Variants in XIRP2 observed in about 807,000 individuals in gnomAD.
XIRP2 encodes xin actin binding repeat containing 2.
In XIRP2, 236 loss-of-function variants were observed where a neutral mutation model predicts 277.0. The observed-to-expected ratio is 0.85, with a 90% CI of 0.77 to 0.95. XIRP2 has a LOEUF of 0.95. XIRP2 is among the 40% of genes least tolerant of loss of function. XIRP2 has a pLI of 0.00. For missense variants in XIRP2, 4,640 were observed against 4,157.5 expected, an observed-to-expected ratio of 1.12 and a Z score of -3.19; for synonymous variants, 1,490 against 1,416.5, an observed-to-expected ratio of 1.05 and a Z score of -1.17.
intron 3 of XIRP2, among the ~76,000 whole-genome samples, chr2:167,144,961 T>A (rs927578435): frequency 6.6e-6 from 1 of 152,174 alleles, no homozygotes; most frequent in East Asian, 1.9e-4. Context: ...ACTGCTGCAT[T>A]GGAAGTTGGA....
intron 2 of XIRP2, among the ~76,000 whole-genome samples, chr2:167,015,277 A>G (rs964195798): frequency 2.6e-5 from 4 of 151,932 alleles, no homozygotes; most frequent in Non-Finnish European, 4.4e-5. Flanking sequence ...CTGCTAGTCA[A>G]CATAAACCAG....
chr2:167,137,870 A>G (rs1691600829), intron 3 of XIRP2, among the ~76,000 whole-genome samples: 1 of 151,948 alleles, frequency 6.6e-6, no homozygotes, highest in Non-Finnish European at 1.5e-5. Flanking sequence ...AAAAGAAACA[A>G]AATTCTTTCA....
At chr2:167,049,687 T>C (rs888373604) in intron 2 of XIRP2, among the ~76,000 whole-genome samples, 1 of 152,060 alleles carries the variant, frequency 6.6e-6, no homozygotes, top group African/African-American at 2.4e-5. Context: ...ATGTTTGAAT[T>C]AACTTTTGTC....
chr2:167,239,832 T>C (rs1452494705), intron 5 of XIRP2, 23 bp from the exon 6 acceptor site: 8 of 1,565,730 alleles, frequency 5.1e-6, no homozygotes, highest in South Asian at 2.4e-5. Context: ...TAAGGCATTG[T>C]CTGTCTGTCT....
At chr2:167,098,290 T>G (rs991846949) in intron 2 of XIRP2, among the ~76,000 whole-genome samples, 9 of 152,230 alleles carry the variant, frequency 5.9e-5, no homozygotes, top group African/African-American at 2.2e-4. Context: ...CTTTATTTCA[T>G]TAAGTTGATC....
rs187090483 is a variant in XIRP2 at position 166,908,179 on chromosome 2, G to C, written c.408+4289G>C. On this transcript the variant is annotated intron_variant, in intron 2 of 10. Transcript: ENST00000409195. ...GGTATGTCTACTTCTAGATCCTTGA[G>C]GAATTGCCATACTGTCTTCCACAGT... 5.3e-5 allele frequency among the ~76,000 whole-genome samples: 8 copies of C among 152,254 alleles called. No homozygotes were observed. In the East Asian group the frequency reaches 1.6e-3, roughly 30 times the overall value.
intron 3 of XIRP2, among the ~76,000 whole-genome samples, chr2:167,172,253 A>G (rs1014422039): frequency 6.6e-6 from 1 of 152,212 alleles, no homozygotes. Context: ...GAGCGTACAA[A>G]TAGGGTGTGG....
chr2:167,241,560 C>CATT (rs1450453447), intron 7 of XIRP2, among the ~76,000 whole-genome samples: 3 of 152,054 alleles, frequency 2.0e-5, no homozygotes, highest in Admixed American at 2.0e-4. Context: ...TTTCCCATAG[C>CATT]ATTATAATTT....
intron 2 of XIRP2, among the ~76,000 whole-genome samples, chr2:167,032,443 A>G (rs1436217767): frequency 6.6e-6 from 1 of 152,172 alleles, no homozygotes; most frequent in Non-Finnish European, 1.5e-5. Context: ...GCCAAAATTG[A>G]CATATTGGAT....
chr2:167,179,782 GGC>G (rs1692960266), intron 3 of XIRP2, among the ~76,000 whole-genome samples: 1 of 151,960 alleles, frequency 6.6e-6, no homozygotes, highest in African/African-American at 2.4e-5. Flanking sequence ...TGGGACTATA[GGC>G]ATGTGCCACT....
chr2:167,142,733 G>C (rs886352470), intron 3 of XIRP2, among the ~76,000 whole-genome samples: 2 of 152,088 alleles, frequency 1.3e-5, no homozygotes, highest in African/African-American at 4.8e-5. Context: ...GACTGTCAAT[G>C]CTCCAAAATA....
At chr2:167,171,674 T>C (rs975330507) in intron 3 of XIRP2, among the ~76,000 whole-genome samples, 2 of 152,190 alleles carry the variant, frequency 1.3e-5, no homozygotes, top group Admixed American at 6.5e-5. Flanking sequence ...CCAACTATGA[T>C]TGTGAATTTA....
In XIRP2 at chr2:167,025,504, A is replaced by G. The variant is rs886172475; in HGVS notation, c.409-110405A>G. On this transcript the variant is annotated intron_variant, in intron 2 of 10. Coordinates refer to ENST00000409195, the MANE Select transcript of XIRP2 (RefSeq NM_152381.6). ...TTTCTTGCCTTCTGCTAGCTTTTGA[A>G]TGTGTTTGCTCTTGCTTTTCTAGTT... 2.3e-3 allele frequency among the ~76,000 whole-genome samples: 351 copies of G among 151,660 alleles called. 3 individuals carry two copies. Among genetic ancestry groups the G allele is most frequent in the African/African-American group, 7.7e-3 (319 of 41,438 alleles).
chr2:167,032,814 G>C (rs1211887773), intron 2 of XIRP2, among the ~76,000 whole-genome samples: 1 of 152,154 alleles, frequency 6.6e-6, no homozygotes, highest in African/African-American at 2.4e-5. Context: ...GAGAAGATGT[G>C]GAGAAACAGG....
intron 2 of XIRP2, among the ~76,000 whole-genome samples, chr2:166,907,049 G>C (rs1029072426): frequency 2.0e-5 from 3 of 152,112 alleles, no homozygotes; most frequent in African/African-American, 7.2e-5. Flanking sequence ...TAGAAAATCA[G>C]TGAGAAATTC....
At chr2:166,903,407 C>T in intron 1 of XIRP2, 58 bp from the exon 2 acceptor site, 1 of 1,507,752 alleles carries the variant, frequency 6.6e-7, no homozygotes, top group South Asian at 1.3e-5. Context: ...TATTTTGAGT[C>T]TGAAAATGAC....
At chr2:166,896,832 C>T (rs1284352406) in intron 1 of XIRP2, among the ~76,000 whole-genome samples, 2 of 152,136 alleles carry the variant, frequency 1.3e-5, no homozygotes, top group African/African-American at 4.8e-5. Context: ...ATAAGTTCCC[C>T]ATACAGGTAT....
chr2:167,128,270 C>T (rs1691266916), intron 2 of XIRP2, among the ~76,000 whole-genome samples: 1 of 152,108 alleles, frequency 6.6e-6, no homozygotes, highest in Non-Finnish European at 1.5e-5. Context: ...TTAATAAATT[C>T]CTTATTACAT....
At chr2:167,034,539 C>T (rs533659555) in intron 2 of XIRP2, among the ~76,000 whole-genome samples, 1 of 151,006 alleles carries the variant, frequency 6.6e-6, no homozygotes, top group East Asian at 1.9e-4. Context: ...TTGTTGCCTT[C>T]AAGAAACATA....
Sources: allele counts gnomAD v4.1 joint callset (sites outside exome capture counted in the v4.1 genomes callset), GRCh38; gene constraint gnomAD v4.1.1; transcripts MANE v1.5; gene names NCBI Gene and HGNC (gene_info 2026-07-23, HGNC 2026-07-21).